FOXP1: variants seen among roughly 807,000 people sequenced by gnomAD.
FOXP1 encodes the protein forkhead box P1.
In FOXP1, 15 loss-of-function variants were observed where a neutral mutation model predicts 98.2. The observed-to-expected ratio is 0.15, with a 90% CI of 0.10 to 0.24. The LOEUF is 0.24. Among genes scored for constraint, FOXP1 ranks in the 10% least tolerant of loss-of-function variants. FOXP1 has a pLI of 1.00. For missense variants in FOXP1, 633 were observed against 848.5 expected, an observed-to-expected ratio of 0.75 and a Z score of 3.15; for synonymous variants, 371 against 314.5, an observed-to-expected ratio of 1.18 and a Z score of -1.90.
At chr3:71,583,827 G>A (rs2048385962), upstream of FOXP1, 1 of 987,876 alleles carries the variant, frequency 1.0e-6, no homozygotes, top group Non-Finnish European at 1.2e-6. Flanking sequence ...GGCGGCGGCA[G>A]AGGCGCGGGC....
At chr3:71,540,344 T>C (rs1436705040) in intron 2 of FOXP1, among the ~76,000 whole-genome samples, 1 of 151,814 alleles carries the variant, frequency 6.6e-6, no homozygotes, top group Non-Finnish European at 1.5e-5. Flanking sequence ...CACCCAAAGG[T>C]AAAACAAGAA....
intron 11 of FOXP1, among the ~76,000 whole-genome samples, chr3:71,016,344 C>T (rs749122357): frequency 3.3e-5 from 5 of 152,134 alleles, no homozygotes; most frequent in Non-Finnish European, 5.9e-5. Flanking sequence ...TCTGGCCACA[C>T]GGATCCAAGT....
intron 11 of FOXP1, among the ~76,000 whole-genome samples, chr3:71,040,810 A>G (rs6777821): frequency 0.14 from 20,940 of 152,116 alleles, 4,846 homozygotes; most frequent in African/African-American, 0.48. Flanking sequence ...CTGTCTCTCC[A>G]TCCTCCAAAC....
intron 5 of FOXP1, 53 bp from the exon 6 acceptor site, chr3:71,198,445 C>T: frequency 7.2e-7 from 1 of 1,387,206 alleles, no homozygotes; most frequent in Non-Finnish European, 1.0e-6. Flanking sequence ...AAAAAAAAAG[C>T]AGCTGTTAAA....
chr3:71,043,680 C>T (rs527330708), intron 10 of FOXP1, among the ~76,000 whole-genome samples: 4 of 152,314 alleles, frequency 2.6e-5, no homozygotes, highest in South Asian at 2.1e-4. Context: ...TCAACTCAAA[C>T]TAAATGATTT....
At chr3:71,373,602 G>T (rs1220313589) in intron 3 of FOXP1, among the ~76,000 whole-genome samples, 2 of 152,192 alleles carry the variant, frequency 1.3e-5, no homozygotes, top group Non-Finnish European at 2.9e-5. Context: ...GCATAGTGAG[G>T]TGACACTGGT....
At chr3:71,404,057 AC>A (rs1392328662) in intron 3 of FOXP1, among the ~76,000 whole-genome samples, 1 of 149,682 alleles carries the variant, frequency 6.7e-6, no homozygotes, top group East Asian at 2.0e-4. Flanking sequence ...ACAGATAATT[AC>A]CTTAGAGGAG....
intron 3 of FOXP1, among the ~76,000 whole-genome samples, chr3:71,451,674 G>A (rs2086973211): frequency 2.0e-5 from 3 of 152,116 alleles, no homozygotes. Context: ...GCTAACATCA[G>A]GCAGAGTGAC....
In FOXP1 at chr3:71,512,966, G is replaced by A. The variant is rs527805535; in HGVS notation, c.-297-19411C>T. Among the ~76,000 whole-genome samples, 14 of 152,198 alleles carry A rather than the reference G, an allele frequency of 9.2e-5. No individual in the cohort carries two copies. In the South Asian group the frequency reaches 1.2e-3, roughly 14 times the overall value. ...AGTTAAACTGAGCATCTCCTTACAC[G>A]GCAAACACACAGAAGGATCCCTGAG... On this transcript the variant is annotated intron_variant, in intron 2 of 20. Transcript: ENST00000649528.
chr3:71,481,600 G>A (rs1327558872), intron 3 of FOXP1, among the ~76,000 whole-genome samples: 2 of 152,054 alleles, frequency 1.3e-5, no homozygotes, highest in Admixed American at 6.5e-5. Context: ...TTAGTCAGTC[G>A]TCTTTTCTGA....
At chr3:71,402,622 G>A (rs1288453354) in intron 3 of FOXP1, among the ~76,000 whole-genome samples, 5 of 152,112 alleles carry the variant, frequency 3.3e-5, no homozygotes, top group Non-Finnish European at 7.3e-5. Context: ...GAAGTAGTTA[G>A]GATACAATAT....
chr3:71,045,814 C>T (rs1294010973), intron 10 of FOXP1, among the ~76,000 whole-genome samples: 1 of 152,156 alleles, frequency 6.6e-6, no homozygotes, highest in East Asian at 1.9e-4. Flanking sequence ...CCAAAAGTTA[C>T]CAAACAAATG....
At chr3:71,513,395 A>G (rs2042337368) in intron 2 of FOXP1, among the ~76,000 whole-genome samples, 1 of 152,148 alleles carries the variant, frequency 6.6e-6, no homozygotes, top group Non-Finnish European at 1.5e-5. Flanking sequence ...AATCCCATAG[A>G]GTCTGCCTTC....
At chr3:71,521,859 G>A (rs942426915) in intron 2 of FOXP1, among the ~76,000 whole-genome samples, 8 of 152,110 alleles carry the variant, frequency 5.3e-5, no homozygotes, top group African/African-American at 1.7e-4. Context: ...CTAGGCAGGG[G>A]GAACTGCTCA....
intron 3 of FOXP1, among the ~76,000 whole-genome samples, chr3:71,443,514 G>A (rs1228312234): frequency 6.6e-6 from 1 of 152,142 alleles, no homozygotes; most frequent in Non-Finnish European, 1.5e-5. Flanking sequence ...ATGCACACTC[G>A]AGTTGGAAAG....
chr3:71,066,091 C>CA (rs34279433), intron 7 of FOXP1, among the ~76,000 whole-genome samples: 9,489 of 104,934 alleles, frequency 0.09, 654 homozygotes, highest in African/African-American at 0.19. Context: ...TATTTGCCTT[C>CA]AAAAAAAAAA....
At position 71,556,968 on chromosome 3, in the gene FOXP1, T is replaced by TTAAAAATCTTTAAAAATC. The variant is rs1350176643; in HGVS notation, c.-298+24580_-298+24581insGATTTTTAAAGATTTTTA. On this transcript the variant is annotated intron_variant, in intron 2 of 20. Coordinates refer to ENST00000649528, the MANE Select transcript of FOXP1 (RefSeq NM_001349338.3). ...GAAGTGCAGCAATCTTTAAAAATCA[T>TTAAAAATCTTTAAAAATC]GCTTACAGAGAATATTCAATGACTA... Among the ~76,000 whole-genome samples the TTAAAAATCTTTAAAAATC allele has an allele frequency of 4.2e-3, 645 of 152,266 alleles. 4 individuals carry two copies. The highest frequency in any genetic ancestry group is 0.015 in the African/African-American group (623 of 41,544).
At chr3:71,547,792 TGTGA>T (rs1392051966) in intron 2 of FOXP1, among the ~76,000 whole-genome samples, 3 of 152,234 alleles carry the variant, frequency 2.0e-5, no homozygotes, top group Admixed American at 2.0e-4. Flanking sequence ...AGAGGACAGC[TGTGA>T]CTATTCAATC....
At chr3:71,065,744 C>A (rs2052402852) in intron 7 of FOXP1, 1 of 152,172 alleles carries the variant, frequency 6.6e-6, no homozygotes, top group South Asian at 2.1e-4. Context: ...ACAATAGCAA[C>A]AACAAAAGCT....
Sources: allele counts gnomAD v4.1 joint callset (sites outside exome capture counted in the v4.1 genomes callset), GRCh38; gene constraint gnomAD v4.1.1; transcripts MANE v1.5; gene names NCBI Gene and HGNC (gene_info 2026-07-23, HGNC 2026-07-21).